Variants in GALNTL6 observed in about 807,000 individuals in gnomAD.
GALNTL6 encodes the protein polypeptide N-acetylgalactosaminyltransferase-like 6.
GALNTL6 carries 46 observed loss-of-function variants against 73.7 expected under a neutral mutation model. That is an observed-to-expected ratio of 0.62 (90% CI 0.49 to 0.80). GALNTL6 has a LOEUF of 0.80. Ranked by LOEUF, GALNTL6 falls within the 30% of genes least tolerant of loss-of-function variation. The probability of loss-of-function intolerance (pLI) is 0.00; values close to 1 mark genes in which losing one functional copy is unlikely to be tolerated. For synonymous variants in GALNTL6, 259 were observed against 263.7 expected, an observed-to-expected ratio of 0.98 and a Z score of 0.17; for missense variants, 604 against 755.0, an observed-to-expected ratio of 0.80 and a Z score of 2.34.
chr4:172,074,492 T>C (rs1731644674), intron 2 of GALNTL6, among the ~76,000 whole-genome samples: 1 of 152,152 alleles, frequency 6.6e-6, no homozygotes, highest in Admixed American at 6.5e-5. Flanking sequence ...CCATCCACAA[T>C]TGCCTTTGTC....
intron 5 of GALNTL6, among the ~76,000 whole-genome samples, chr4:172,712,662 T>A (rs1734782819): frequency 6.6e-6 from 1 of 152,188 alleles, no homozygotes; most frequent in Non-Finnish European, 1.5e-5. Context: ...GAGATTTATC[T>A]CACAGAACCT....
chr4:172,479,815 T>A (rs1414636782), intron 5 of GALNTL6, among the ~76,000 whole-genome samples: 1 of 152,216 alleles, frequency 6.6e-6, no homozygotes, highest in Admixed American at 6.5e-5. Flanking sequence ...AGTTATGAAG[T>A]GTTTGTGTGC....
chr4:172,944,031 T>C (rs1027094153), intron 9 of GALNTL6, among the ~76,000 whole-genome samples: 1 of 152,154 alleles, frequency 6.6e-6, no homozygotes, highest in African/African-American at 2.4e-5. Context: ...AGGATACAAT[T>C]ATAACATTTC....
At chr4:172,929,041 T>C (rs1748198604) in intron 8 of GALNTL6, among the ~76,000 whole-genome samples, 1 of 152,220 alleles carries the variant, frequency 6.6e-6, no homozygotes, top group African/African-American at 2.4e-5. Context: ...TTCAATGTTA[T>C]AGAGCTCCAG....
chr4:172,117,648 A>T (rs538896935), intron 2 of GALNTL6, among the ~76,000 whole-genome samples: 181 of 152,308 alleles, frequency 1.2e-3, no homozygotes, highest in African/African-American at 4.2e-3. Flanking sequence ...ATTCTGAAAT[A>T]ACTCAAATGT....
intron 5 of GALNTL6, among the ~76,000 whole-genome samples, chr4:172,738,688 A>C (rs113375316): frequency 1.3e-4 from 20 of 152,300 alleles, no homozygotes; most frequent in Middle Eastern, 6.8e-3. Context: ...CACAGCCCTT[A>C]GGAGATCCTG....
chr4:172,469,262 A>C (rs1263754579), intron 5 of GALNTL6, among the ~76,000 whole-genome samples: 2 of 152,158 alleles, frequency 1.3e-5, no homozygotes, highest in Non-Finnish European at 2.9e-5. Context: ...TTATCTTGGA[A>C]AGTCAGGCAG....
intron 2 of GALNTL6, chr4:171,815,169 G>T (rs1432108801): frequency 1.1e-5 from 2 of 183,802 alleles, no homozygotes; most frequent in Non-Finnish European, 2.2e-5. Flanking sequence ...TCAAGCTATG[G>T]TTTTCAGTAT....
chr4:171,827,444 T>A (rs1419809662), intron 2 of GALNTL6, among the ~76,000 whole-genome samples: 1 of 152,170 alleles, frequency 6.6e-6, no homozygotes. Flanking sequence ...TTATGTAATT[T>A]CACAGGTGTT....
At chr4:172,405,429 ATATATATATATATATTTTTTTTTT>A (rs1366562305) in intron 5 of GALNTL6, among the ~76,000 whole-genome samples, 546 of 16,258 alleles carry the variant, frequency 0.034, 11 homozygotes, top group African/African-American at 0.063. Flanking sequence ...ATATATATAT[ATATATATATATATATTTTTTTTTT>A]TTTTTTTTTT....
chr4:172,898,262 ACTTT>A (rs1339392508), intron 8 of GALNTL6, among the ~76,000 whole-genome samples: 1 of 149,164 alleles, frequency 6.7e-6, no homozygotes, highest in African/African-American at 2.5e-5. Flanking sequence ...TTCTCTACTT[ACTTT>A]GATCAGTAAA....
intron 4 of GALNTL6, among the ~76,000 whole-genome samples, chr4:172,343,426 T>A (rs1741637886): frequency 6.6e-6 from 1 of 152,212 alleles, no homozygotes; most frequent in Non-Finnish European, 1.5e-5. Flanking sequence ...GCATATGTAC[T>A]AAAGTATCTC....
chr4:172,648,744 C>T (rs946154207), intron 5 of GALNTL6, among the ~76,000 whole-genome samples: 26 of 152,166 alleles, frequency 1.7e-4, no homozygotes, highest in African/African-American at 6.3e-4. Context: ...CCAACTGACG[C>T]CTTTGCTATC....
intron 5 of GALNTL6, among the ~76,000 whole-genome samples, chr4:172,515,379 A>T (rs1734566049): frequency 6.6e-6 from 1 of 152,258 alleles, no homozygotes; most frequent in Non-Finnish European, 1.5e-5. Flanking sequence ...CCCACTGAGC[A>T]GAGCTGCGCT....
At chr4:172,725,926 A>C (rs1735769054) in intron 5 of GALNTL6, among the ~76,000 whole-genome samples, 1 of 152,224 alleles carries the variant, frequency 6.6e-6, no homozygotes, top group East Asian at 1.9e-4. Context: ...TGTGAGGATT[A>C]AATTATAAAA....
At chr4:171,829,425 T>C (rs2110820991) in intron 2 of GALNTL6, among the ~76,000 whole-genome samples, 1 of 152,268 alleles carries the variant, frequency 6.6e-6, no homozygotes, top group African/African-American at 2.4e-5. Flanking sequence ...GCTTGTTTTC[T>C]TTGATACAGC....
chr4:172,778,174 G>A (rs911731091), intron 5 of GALNTL6, among the ~76,000 whole-genome samples: 1 of 152,174 alleles, frequency 6.6e-6, no homozygotes, highest in African/African-American at 2.4e-5. Context: ...ATTGATTGTT[G>A]GTATCTAGAC....
chr4:172,741,626 C>T (rs191462267), intron 5 of GALNTL6, among the ~76,000 whole-genome samples: 62 of 151,994 alleles, frequency 4.1e-4, no homozygotes, highest in Non-Finnish European at 2.9e-4. Context: ...TTCTCAGCAT[C>T]CATATACACT....
At chr4:172,165,285 A>G (rs1021819185) in intron 2 of GALNTL6, among the ~76,000 whole-genome samples, 6 of 152,164 alleles carry the variant, frequency 3.9e-5, no homozygotes, top group African/African-American at 1.4e-4. Flanking sequence ...TCATCAAGGA[A>G]TAGCTCTTAC....
Sources: allele counts gnomAD v4.1 joint callset (sites outside exome capture counted in the v4.1 genomes callset), GRCh38; gene constraint gnomAD v4.1.1; transcripts MANE v1.5; gene names NCBI Gene and HGNC (gene_info 2026-07-23, HGNC 2026-07-21).